PCDHA2: variants seen among roughly 807,000 people sequenced by gnomAD.
PCDHA2 encodes protocadherin alpha-2.
PCDHA2 carries 58 observed loss-of-function variants against 66.0 expected under a neutral mutation model. That is an observed-to-expected ratio of 0.88 (90% CI 0.71 to 1.09). The LOEUF (loss-of-function observed/expected upper bound fraction) is 1.09. Among genes scored for constraint, PCDHA2 ranks in the 50% least tolerant of loss-of-function variants. The pLI is 0.00. For synonymous variants in PCDHA2, 634 were observed against 554.0 expected (o/e 1.14, Z -2.03); for missense variants, 1,267 against 1,242.3 (o/e 1.02, Z -0.30).
rs1292142612 is a variant in PCDHA2, at chr5:140,808,154, A to G, written c.2388+10802A>G. Reference sequence around the variant, plus strand: ...ATCCTATGAAATTATTGTAGAGGGCATTGATAAGGGACAGCTCCCACTTTC... The same window carrying G: ...ATCCTATGAAATTATTGTAGAGGGCGTTGATAAGGGACAGCTCCCACTTTC... On this transcript the variant is annotated intron_variant, in intron 1 of 3. Coordinates refer to ENST00000526136, the MANE Select transcript of PCDHA2 (RefSeq NM_018905.3). 9 of 1,614,102 alleles carry G rather than the reference A, an allele frequency of 5.6e-6. No individual in the cohort carries two copies. In the Admixed American group the frequency reaches 1.5e-4, roughly 27 times the overall value.
At chr5:140,828,140 C>T in intron 1 of PCDHA2, 1 of 1,613,974 alleles carries the variant, frequency 6.2e-7, no homozygotes, top group South Asian at 1.1e-5. Flanking sequence ...TCTGCTCCTC[C>T]CGCTTCTGCT....
At position 140,828,154 on chromosome 5, in the gene PCDHA2, C is replaced by T. The variant is rs2150151490; in HGVS notation, c.2388+30802C>T. 28 of 1,614,164 alleles carry T rather than the reference C, an allele frequency of 1.7e-5. No homozygotes were observed. The Admixed American group carries it at 2.5e-4, about 14-fold the overall frequency. On this transcript the variant is annotated intron_variant, in intron 1 of 3. Coordinates refer to ENST00000526136, the MANE Select transcript of PCDHA2 (RefSeq NM_018905.3). The stretch of plus-strand genomic sequence containing the variant: ...GTCTGCTCCTCCCGCTTCTGCTCCT[C>T]GCAGCCTGGAAGGTGGGGAGCGGCC...
At chr5:140,861,849 T>G (rs2047107514) in intron 1 of PCDHA2, 1 of 156,218 alleles carries the variant, frequency 6.4e-6, no homozygotes, top group Non-Finnish European at 1.4e-5. Flanking sequence ...CTACTCTTGG[T>G]GCTCAAAGCA....
At chr5:140,830,593 A>C in intron 1 of PCDHA2, 1 of 705,892 alleles carries the variant, frequency 1.4e-6, no homozygotes, top group Non-Finnish European at 2.1e-6. Flanking sequence ...TAATTTTACA[A>C]AATTACATAT....
chr5:140,807,457 C>A (rs1366050536), intron 1 of PCDHA2: 2 of 1,607,918 alleles, frequency 1.2e-6, no homozygotes, highest in Non-Finnish European at 1.7e-6. Context: ...ATTCTCGGAT[C>A]GACCGGGAGG....
At chr5:140,968,165 C>T in intron 1 of PCDHA2, 6 of 1,614,120 alleles carry the variant, frequency 3.7e-6, no homozygotes, top group African/African-American at 1.3e-5. Flanking sequence ...TGACAATCCA[C>T]CAAGCTTCCT....
intron 3 of PCDHA2, among the ~76,000 whole-genome samples, chr5:140,996,819 C>T (rs1446677147): frequency 6.6e-6 from 1 of 152,142 alleles, no homozygotes; most frequent in East Asian, 1.9e-4. Context: ...CAAAAGTAAC[C>T]ACTACCAATA....
At chr5:140,826,670 A>C (rs1256098007) in intron 1 of PCDHA2, among the ~76,000 whole-genome samples, 1 of 152,172 alleles carries the variant, frequency 6.6e-6, no homozygotes, top group African/African-American at 2.4e-5. Context: ...TAAATTGTAG[A>C]CGTAATTAAA....
intron 1 of PCDHA2, chr5:140,843,565 G>A (rs2150362787): frequency 6.3e-7 from 1 of 1,595,918 alleles, no homozygotes; most frequent in Admixed American, 1.7e-5. Context: ...TGGGGAGCTG[G>A]TCATACTCGC....
intron 3 of PCDHA2, among the ~76,000 whole-genome samples, chr5:141,004,397 GA>G (rs2098164833): frequency 6.6e-6 from 1 of 152,188 alleles, no homozygotes; most frequent in African/African-American, 2.4e-5. Context: ...ACATGTGGAG[GA>G]GGCACCTGAC....
intron 1 of PCDHA2, chr5:140,871,328 G>C: frequency 1.9e-6 from 3 of 1,614,128 alleles, no homozygotes; most frequent in Non-Finnish European, 2.5e-6. Flanking sequence ...GTGTGCTCCC[G>C]CGCGGTGGGG....
chr5:140,935,016 T>C (rs997789296), intron 1 of PCDHA2, among the ~76,000 whole-genome samples: 6 of 152,322 alleles, frequency 3.9e-5, no homozygotes, highest in Admixed American at 6.5e-5. Flanking sequence ...TGAGTCTTAA[T>C]AGTCTTTTGA....
chr5:140,926,704 T>C (rs1481559865), intron 1 of PCDHA2: 7 of 842,670 alleles, frequency 8.3e-6, no homozygotes, highest in Non-Finnish European at 1.2e-5. Context: ...GGCTCCCAGC[T>C]GGCCAGCCCC....
At chr5:140,979,086 G>A in intron 2 of PCDHA2, 79 bp downstream of exon 2, 3 of 1,561,050 alleles carry the variant, frequency 1.9e-6, no homozygotes, top group South Asian at 2.4e-5. Flanking sequence ...CCATAGGCCA[G>A]AAGCAGCTGT....
rs1763493393 is a variant in PCDHA2, at chr5:140,805,022, G to A, written c.2388+7670G>A. ...AATTTAGTTCTGTTATCAGCTTCTTGAATATAATAGAGTCAGCCAAAGTAC... is the reference window on the plus strand; with the variant it reads ...AATTTAGTTCTGTTATCAGCTTCTTAAATATAATAGAGTCAGCCAAAGTAC... On this transcript the variant is annotated intron_variant, in intron 1 of 3. Coordinates refer to ENST00000526136, the MANE Select transcript of PCDHA2 (RefSeq NM_018905.3). 22 of 1,571,950 alleles carry A rather than the reference G, an allele frequency of 1.4e-5. No individual in the cohort carries two copies. In the East Asian group the frequency reaches 5.0e-4, roughly 36 times the overall value.
At chr5:140,839,989 T>C (rs1776506431) in intron 1 of PCDHA2, among the ~76,000 whole-genome samples, 1 of 152,120 alleles carries the variant, frequency 6.6e-6, no homozygotes, top group Non-Finnish European at 1.5e-5. Context: ...GGAAAGTGGT[T>C]AGCCTTAGCA....
At chr5:140,809,443 G>A in intron 1 of PCDHA2, 1 of 1,614,252 alleles carries the variant, frequency 6.2e-7, no homozygotes, top group Non-Finnish European at 8.5e-7. Flanking sequence ...CATACTCGCA[G>A]CAGAGGAGGC....
At chr5:140,881,454 C>A in intron 1 of PCDHA2, 1 of 705,924 alleles carries the variant, frequency 1.4e-6, no homozygotes, top group Non-Finnish European at 1.7e-6. Context: ...AATCCAAAAC[C>A]TTAGAGCATT....
At chr5:140,862,874 T>C in intron 1 of PCDHA2, 2 of 568,426 alleles carry the variant, frequency 3.5e-6, no homozygotes, top group Non-Finnish European at 3.4e-6. Flanking sequence ...CTGCCAGGTA[T>C]TAGTGCTGGA....
Sources: gnomAD v4.1 joint callset for allele counts (sites outside exome capture counted in the v4.1 genomes callset) on GRCh38, gnomAD v4.1.1 for gene constraint, MANE v1.5 for transcripts, NCBI Gene and HGNC (gene_info 2026-07-23, HGNC 2026-07-21) for gene names.